The following C3orf20 variants were observed in gnomAD, a reference collection of about 807,000 sequenced individuals.
The protein encoded by C3orf20 is family with sequence similarity 149 member C.
Under a neutral mutation model 88.3 loss-of-function variants are expected in C3orf20, and 76 were observed. The ratio of observed to expected loss-of-function variants is 0.86; its 90% confidence interval spans 0.72 to 1.04. The LOEUF is 1.04. C3orf20 is among the 50% of genes least tolerant of loss of function. The pLI is 0.00. For synonymous variants in C3orf20, 436 were observed against 437.4 expected (o/e 1.00, Z 0.04); for missense variants, 1,056 against 1,123.3 (o/e 0.94, Z 0.86).
chr3:14,721,842 G>A (rs963579515), intron 10 of C3orf20, 58 bp downstream of exon 10: 6 of 1,601,564 alleles, frequency 3.7e-6, no homozygotes, highest in Non-Finnish European at 4.3e-6. Flanking sequence ...AACGTGGGTT[G>A]CTGTTTCATA....
chr3:14,682,782 C>A lies in C3orf20; in HGVS notation c.69C>A (p.Ala23=). The A allele has an allele frequency of 6.2e-7, 1 of 1,614,164 alleles. No homozygotes were observed. Among genetic ancestry groups the A allele is most frequent in the Non-Finnish European group, 8.5e-7 (1 of 1,180,030 alleles). ...CAGCCATGGCCCCCAAGCTACTGGCCCGCATCTCCAAACTCCTCATGATCT... is the reference window on the plus strand; with the variant it reads ...CAGCCATGGCCCCCAAGCTACTGGCACGCATCTCCAAACTCCTCATGATCT... ...QYTAMAPKLL[A]RISKLLMICQ... The change falls in exon 3 of 17, where the codon GCC becomes GCA. Residue 23 remains alanine, a synonymous_variant. Coordinates refer to ENST00000253697, the MANE Select transcript of C3orf20 (RefSeq NM_032137.5).
chr3:14,709,061 A>C (rs2033636460), intron 7 of C3orf20, among the ~76,000 whole-genome samples: 1 of 152,230 alleles, frequency 6.6e-6, no homozygotes, highest in African/African-American at 2.4e-5. Context: ...ACAGCATCAA[A>C]AAGATTAAAA....
At chr3:14,749,327 A>G (rs114705400) in intron 12 of C3orf20, among the ~76,000 whole-genome samples, 1,643 of 152,086 alleles carry the variant, frequency 0.011, 18 homozygotes, top group African/African-American at 0.038. Flanking sequence ...TCAATCTTTC[A>G]TTTTAAACTT....
chr3:14,739,187 C>T (rs2034826520), intron 12 of C3orf20, among the ~76,000 whole-genome samples: 1 of 152,184 alleles, frequency 6.6e-6, no homozygotes, highest in South Asian at 2.1e-4. Flanking sequence ...CTACCTACAG[C>T]ATCTATAGCT....
chr3:14,704,650 C>G (rs1269608214), intron 7 of C3orf20, 32 bp downstream of exon 7: 1 of 1,603,148 alleles, frequency 6.2e-7, no homozygotes, highest in Non-Finnish European at 8.5e-7. Flanking sequence ...CCCTATCTCC[C>G]CAGCTACTCA....
intron 13 of C3orf20, among the ~76,000 whole-genome samples, chr3:14,757,912 G>T (rs1008337167): frequency 1.3e-5 from 2 of 152,210 alleles, no homozygotes; most frequent in Admixed American, 6.5e-5. Flanking sequence ...CCACATAAGG[G>T]CCAGGCCCTC....
intron 5 of C3orf20, among the ~76,000 whole-genome samples, chr3:14,697,779 A>G (rs1457365107): frequency 9.3e-5 from 13 of 139,426 alleles, no homozygotes; most frequent in Admixed American, 1.7e-4. Flanking sequence ...TCATTGTTCA[A>G]TTCCCACCTA....
At chr3:14,684,810 T>C (rs1406211147) in intron 4 of C3orf20, among the ~76,000 whole-genome samples, 1 of 152,198 alleles carries the variant, frequency 6.6e-6, no homozygotes, top group Non-Finnish European at 1.5e-5. Flanking sequence ...ATGGCCTATG[T>C]GGGTCAGTGG....
chr3:14,700,783 C>G (rs2033228156), intron 5 of C3orf20, among the ~76,000 whole-genome samples: 1 of 152,214 alleles, frequency 6.6e-6, no homozygotes, highest in Non-Finnish European at 1.5e-5. Context: ...TGTCCTATGA[C>G]ATATGTATGA....
chr3:14,719,814 C>T (rs1293261480), intron 9 of C3orf20, among the ~76,000 whole-genome samples: 1 of 152,122 alleles, frequency 6.6e-6, no homozygotes, highest in Non-Finnish European at 1.5e-5. Flanking sequence ...AAACTTTTTA[C>T]TTTTACCTTA....
chr3:14,676,061 C>T (rs1404358687), intron 1 of C3orf20, among the ~76,000 whole-genome samples: 2 of 151,922 alleles, frequency 1.3e-5, no homozygotes, highest in Non-Finnish European at 2.9e-5. Context: ...ACAGTTTGGC[C>T]AGGTTTTAAG....
intron 4 of C3orf20, among the ~76,000 whole-genome samples, chr3:14,687,291 A>AT (rs1389858833): frequency 6.6e-6 from 1 of 152,182 alleles, no homozygotes; most frequent in Non-Finnish European, 1.5e-5. Context: ...GTACCAACTA[A>AT]TTTTTTAAAA....
intron 15 of C3orf20, among the ~76,000 whole-genome samples, chr3:14,764,209 G>C (rs187738209): frequency 6.6e-6 from 1 of 151,210 alleles, no homozygotes; most frequent in Non-Finnish European, 1.5e-5. Flanking sequence ...ACACAAACTA[G>C]ATAGAAACAT....
At chr3:14,721,539 T>C (rs1052959978) in intron 9 of C3orf20, 114 bp from the exon 10 acceptor site, 98 of 1,423,240 alleles carry the variant, frequency 6.9e-5, no homozygotes, top group Non-Finnish European at 9.2e-5. Context: ...TGGAAAGCTC[T>C]TACAAATCTT....
At chr3:14,704,280 A>T in intron 6 of C3orf20, 57 bp from the exon 7 acceptor site, 1 of 1,575,368 alleles carries the variant, frequency 6.3e-7, no homozygotes, top group Non-Finnish European at 8.7e-7. Flanking sequence ...TGTAGAGAGC[A>T]TCCCTGGTGC....
intron 13 of C3orf20, among the ~76,000 whole-genome samples, chr3:14,758,237 G>T (rs1575158861): frequency 6.6e-6 from 1 of 152,176 alleles, no homozygotes; most frequent in Non-Finnish European, 1.5e-5. Flanking sequence ...GCCATCTGGG[G>T]GTCCGGAGGG....
chr3:14,745,526 G>C (rs901617897), intron 12 of C3orf20, among the ~76,000 whole-genome samples: 1 of 152,082 alleles, frequency 6.6e-6, no homozygotes. Flanking sequence ...CACTGTGTAG[G>C]TGTTCTGTGA....
chr3:14,712,172 ACGCGCGCG>A (rs201794636), intron 7 of C3orf20, among the ~76,000 whole-genome samples: 20 of 77,678 alleles, frequency 2.6e-4, no homozygotes, highest in Middle Eastern at 6.8e-3. Context: ...ACGCACACAC[ACGCGCGCG>A]CGCACACACA....
At chr3:14,709,559 G>A (rs1455754618) in intron 7 of C3orf20, among the ~76,000 whole-genome samples, 1 of 152,050 alleles carries the variant, frequency 6.6e-6, no homozygotes, top group African/African-American at 2.4e-5. Flanking sequence ...CGAATTTGTT[G>A]AGTGTTTTTT....
Sources: gnomAD v4.1 joint callset for allele counts (sites outside exome capture counted in the v4.1 genomes callset) on GRCh38, gnomAD v4.1.1 for gene constraint, MANE v1.5 for transcripts, NCBI Gene and HGNC (gene_info 2026-07-23, HGNC 2026-07-21) for gene names.